DLC1: variants seen among roughly 807,000 people sequenced by gnomAD.
DLC1 encodes DLC1 Rho GTPase activating protein, also known as rho GTPase-activating protein 7.
Under a neutral mutation model 140.3 loss-of-function variants are expected in DLC1, and 54 were observed. The observed-to-expected ratio is 0.38, with a 90% CI of 0.31 to 0.48. DLC1 has a LOEUF of 0.48. Among genes scored for constraint, DLC1 ranks in the 20% least tolerant of loss-of-function variants. The pLI is 0.96. For synonymous variants in DLC1, 986 were observed against 728.1 expected (o/e 1.35, Z -5.70); for missense variants, 2,536 against 1,907.0 (o/e 1.33, Z -6.14).
At chr8:13,304,662 T>C in intron 5 of DLC1, 4 of 942,100 alleles carry the variant, frequency 4.2e-6, no homozygotes, top group Non-Finnish European at 5.1e-6. Context: ...ACAGAACACA[T>C]AAGATAGTAT....
intron 5 of DLC1, chr8:13,214,462 T>G: frequency 4.7e-6 from 3 of 633,710 alleles, no homozygotes; most frequent in Non-Finnish European, 8.4e-6. Flanking sequence ...CTGTGGTCTG[T>G]GCTGACTGTT....
chr8:13,464,746 T>TTTTATATA (rs1431837420), intron 2 of DLC1, among the ~76,000 whole-genome samples: 1 of 130,924 alleles, frequency 7.6e-6, no homozygotes, highest in African/African-American at 2.7e-5. Context: ...GAATTTTAAA[T>TTTTATATA]TATATATATA....
At chr8:13,186,563 A>G (rs547612382) in intron 5 of DLC1, among the ~76,000 whole-genome samples, 4 of 152,164 alleles carry the variant, frequency 2.6e-5, no homozygotes, top group Non-Finnish European at 4.4e-5. Flanking sequence ...TCTTTTTTCA[A>G]GGATTTTAGT....
At chr8:13,146,548 A>C (rs1823454009) in intron 5 of DLC1, among the ~76,000 whole-genome samples, 1 of 151,980 alleles carries the variant, frequency 6.6e-6, no homozygotes, top group South Asian at 2.1e-4. Context: ...TATTATTAAT[A>C]ATAATAGTAG....
intron 4 of DLC1, among the ~76,000 whole-genome samples, chr8:13,325,567 G>C (rs1563254710): frequency 6.6e-6 from 1 of 152,166 alleles, no homozygotes; most frequent in African/African-American, 2.4e-5. Context: ...TCCTAAGGCA[G>C]AGACATAAAC....
chr8:13,360,801 C>T (rs1029557818), intron 4 of DLC1, among the ~76,000 whole-genome samples: 1 of 151,670 alleles, frequency 6.6e-6, no homozygotes, highest in Non-Finnish European at 1.5e-5. Context: ...CACATACAAA[C>T]ATTGTCAACA....
intron 4 of DLC1, among the ~76,000 whole-genome samples, chr8:13,323,456 A>T (rs936108262): frequency 1.3e-5 from 2 of 152,224 alleles, no homozygotes; most frequent in African/African-American, 4.8e-5. Flanking sequence ...AAATGGAAAT[A>T]GGCAGAAAGT....
At chr8:13,430,669 T>C (rs938742828) in intron 2 of DLC1, among the ~76,000 whole-genome samples, 1 of 152,222 alleles carries the variant, frequency 6.6e-6, no homozygotes, top group Non-Finnish European at 1.5e-5. Flanking sequence ...CTGAAAAGTG[T>C]TGCTTTAGGA....
At chr8:13,462,826 G>A (rs566331708) in intron 2 of DLC1, among the ~76,000 whole-genome samples, 87 of 152,252 alleles carry the variant, frequency 5.7e-4, no homozygotes, top group African/African-American at 2.0e-3. Context: ...TAACTACAAG[G>A]TAGTGAAGAG....
intron 1 of DLC1, among the ~76,000 whole-genome samples, chr8:13,509,838 T>C (rs1224709087): frequency 6.6e-6 from 1 of 152,184 alleles, no homozygotes; most frequent in Non-Finnish European, 1.5e-5. Context: ...GTTAGTTACC[T>C]AAATTCTATG....
intron 2 of DLC1, among the ~76,000 whole-genome samples, chr8:13,444,149 G>T (rs11996047): frequency 0.022 from 3,297 of 151,988 alleles, 95 homozygotes; most frequent in African/African-American, 0.062. Flanking sequence ...TGTAGGTTCT[G>T]TATATTAGCC....
chr8:13,132,604 C>A (rs867117090), intron 5 of DLC1, among the ~76,000 whole-genome samples: 1 of 152,040 alleles, frequency 6.6e-6, no homozygotes, highest in Non-Finnish European at 1.5e-5. Context: ...GCCCCTCGAG[C>A]CAGAGCCGCG....
chr8:13,454,700 A>G (rs768784667), intron 2 of DLC1, among the ~76,000 whole-genome samples: 32 of 152,074 alleles, frequency 2.1e-4, no homozygotes, highest in Non-Finnish European at 4.7e-4. Context: ...AACTATAGGT[A>G]TGAGTCACCA....
rs533194855 is a variant in DLC1 at position 13,468,336 on chromosome 8, C to G, written c.1023+30713G>C. Among the ~76,000 whole-genome samples the G allele has an allele frequency of 5.9e-4, 34 of 57,250 alleles. 1 individual carries two copies. The South Asian group carries it at 0.021, about 35-fold the overall frequency. The allele number at this position is 57,250 out of a possible 152,430, so 37.6% of individuals were successfully genotyped here. ...TCTTTTCTCTCTCTTTCCCTTCCCC[C>G]CATTCCCCTCCCCTCCCCTCCCCTC... On this transcript the variant is annotated intron_variant, in intron 2 of 17. Coordinates refer to ENST00000276297, the MANE Select transcript of DLC1 (RefSeq NM_182643.3).
intron 5 of DLC1, among the ~76,000 whole-genome samples, chr8:13,141,025 C>A (rs148053012): frequency 1.3e-5 from 2 of 152,102 alleles, no homozygotes; most frequent in East Asian, 1.9e-4. Context: ...GAGGCCGAGG[C>A]GTGTGGATCA....
intron 4 of DLC1, among the ~76,000 whole-genome samples, chr8:13,343,359 C>T (rs189735561): frequency 6.6e-6 from 1 of 152,260 alleles, no homozygotes; most frequent in East Asian, 1.9e-4. Flanking sequence ...TTCTGCATAA[C>T]TCCTGAGATT....
In DLC1 at chr8:13,499,255, C is replaced by G. The variant is rs143012126; in HGVS notation, c.817G>C (p.Asp273His). Residue 273 changes from aspartate (D) to histidine (H), a missense_variant, in exon 2 of 18, where the codon GAT becomes CAT. By Grantham distance (81) the Asp-to-His change is moderately conservative. Transcript: ENST00000276297. ...TNRGLPLLKT[D>H]FGSCLLQPPS... is the part of the protein sequence containing the mutation. ...GGCTGCAGAAGGCAGCTTCCAAAAT[C>G]TGTTTTTAATAATGGCAGTCCTCTG... The G allele has an allele frequency of 6.2e-7, 1 of 1,614,070 alleles. No homozygotes were observed. Among genetic ancestry groups the G allele is most frequent in the African/African-American group, 1.3e-5 (1 of 74,934 alleles).
chr8:13,235,962 G>C (rs1829256979), intron 5 of DLC1, among the ~76,000 whole-genome samples: 1 of 140,170 alleles, frequency 7.1e-6, no homozygotes, highest in Non-Finnish European at 1.5e-5. Flanking sequence ...GCAGGAAGAA[G>C]TAATAGAAGG....
chr8:13,228,909 G>T (rs1226736519), intron 5 of DLC1, among the ~76,000 whole-genome samples: 2 of 152,200 alleles, frequency 1.3e-5, no homozygotes, highest in African/African-American at 4.8e-5. Context: ...ACCTACCAGG[G>T]TGGCTACAAT....
Sources: gnomAD v4.1 joint callset for allele counts (sites outside exome capture counted in the v4.1 genomes callset) on GRCh38, gnomAD v4.1.1 for gene constraint, MANE v1.5 for transcripts, NCBI Gene and HGNC (gene_info 2026-07-23, HGNC 2026-07-21) for gene names.